BBX: variants seen among roughly 807,000 people sequenced by gnomAD.
BBX encodes BBX high mobility group box domain containing.
BBX carries 30 observed loss-of-function variants against 100.2 expected under a neutral mutation model. The observed-to-expected ratio is 0.30, with a 90% confidence interval of 0.22 to 0.41. The LOEUF is 0.41. BBX is among the 10% of genes least tolerant of loss of function. The pLI, the probability that BBX is intolerant of heterozygous loss-of-function variation, is 1.00. For synonymous variants in BBX, 376 were observed against 388.1 expected, an observed-to-expected ratio of 0.97 and a Z score of 0.37; for missense variants, 1,023 against 1,129.8, an observed-to-expected ratio of 0.91 and a Z score of 1.35.
At chr3:107,590,280 G>A (rs113416615) in intron 2 of BBX, among the ~76,000 whole-genome samples, 1 of 152,062 alleles carries the variant, frequency 6.6e-6, no homozygotes, top group Admixed American at 6.6e-5. Context: ...TGTAGTGACT[G>A]TACATATATG....
intron 2 of BBX, among the ~76,000 whole-genome samples, chr3:107,633,224 G>C (rs2056654756): frequency 1.3e-5 from 2 of 151,976 alleles, no homozygotes; most frequent in Admixed American, 1.3e-4. Context: ...AGATAATAAT[G>C]CTATTTATTT....
At chr3:107,663,811 C>CTT (rs35847055) in intron 3 of BBX, among the ~76,000 whole-genome samples, 6 of 140,362 alleles carry the variant, frequency 4.3e-5, no homozygotes, top group Non-Finnish European at 6.2e-5. Flanking sequence ...CTTTTTTTTC[C>CTT]TTTTTTTTTT....
At chr3:107,785,179 GA>G (rs201420142) in intron 13 of BBX, among the ~76,000 whole-genome samples, 1,353 of 128,546 alleles carry the variant, frequency 0.011, 8 homozygotes, top group Non-Finnish European at 0.017. Context: ...GTATCTGGGG[GA>G]AAAAAAAAAA....
intron 2 of BBX, among the ~76,000 whole-genome samples, chr3:107,613,013 A>C (rs552615291): frequency 3.9e-5 from 6 of 151,986 alleles, no homozygotes; most frequent in Non-Finnish European, 8.8e-5. Flanking sequence ...GGAGTCTCTC[A>C]GTGTCCACAA....
Position 107,773,306 on chromosome 3 carries a change from A to G in BBX, c.1585A>G (p.Lys529Glu). 1 of 1,614,126 alleles carries G rather than the reference A, an allele frequency of 6.2e-7. No individual in the cohort carries two copies. The highest frequency in any genetic ancestry group is 8.5e-7 in the Non-Finnish European group (1 of 1,179,996). The change falls in exon 11 of 18, where the codon AAA (lysine) becomes GAA (glutamate). Residue 529 changes from lysine (K) to glutamate (E), a missense_variant. By Grantham distance (56) the Lys-to-Glu change is moderately conservative. Transcript: ENST00000325805. The surrounding 1 kb of genome is among the most constrained non-coding windows in gnomAD (Gnocchi z 4.1). The part of the protein sequence containing the change: ...GSILDAKPPK[K>E]KVKSREKKMS... ...CATTTTGGATGCCAAGCCACCAAAG[A>G]AAAAAGTGAAATCAAGAGAGAAGAA... is the stretch of plus-strand genomic sequence containing the variant.
intron 2 of BBX, among the ~76,000 whole-genome samples, chr3:107,621,813 A>G (rs144312766): frequency 4.9e-4 from 74 of 152,350 alleles, no homozygotes; most frequent in Admixed American, 1.2e-3. Context: ...CTTCAGTGCC[A>G]CGGGCCAAAT....
chr3:107,727,310 C>T (rs935920607), intron 5 of BBX, among the ~76,000 whole-genome samples: 1 of 152,082 alleles, frequency 6.6e-6, no homozygotes, highest in Non-Finnish European at 1.5e-5. Flanking sequence ...TTTCCACTTC[C>T]AGACAGCAGG....
At chr3:107,770,252 AC>A (rs908909781) in intron 10 of BBX, among the ~76,000 whole-genome samples, 7 of 152,192 alleles carry the variant, frequency 4.6e-5, no homozygotes, top group African/African-American at 1.7e-4. Flanking sequence ...GCTAAGATGA[AC>A]CTGTGCAAAT....
intron 10 of BBX, among the ~76,000 whole-genome samples, chr3:107,757,421 A>G (rs573268368): frequency 6.6e-6 from 1 of 152,334 alleles, no homozygotes; most frequent in East Asian, 1.9e-4. Flanking sequence ...TGTTGGTATC[A>G]TAATTTAACG....
intron 16 of BBX, among the ~76,000 whole-genome samples, chr3:107,799,314 T>C (rs2070148607): frequency 6.6e-6 from 1 of 152,184 alleles, no homozygotes; most frequent in South Asian, 2.1e-4. Context: ...AGCAAGCAGA[T>C]GACCACCATG....
chr3:107,540,477 G>A (rs757331217), intron 2 of BBX, among the ~76,000 whole-genome samples: 2 of 152,148 alleles, frequency 1.3e-5, no homozygotes, highest in Non-Finnish European at 2.9e-5. Flanking sequence ...AGGAGGCCCT[G>A]AGCCTGCTGG....
rs1053202073 is a variant in BBX at position 107,809,967 on chromosome 3, A to G, written c.*4510A>G. The G allele has an allele frequency of 3.3e-5, 5 of 152,246 alleles. No homozygotes were observed. The highest frequency in any genetic ancestry group is 2.0e-4 in the Admixed American group (3 of 15,294). The allele number at this position is 152,246 out of a possible 1,614,324, so 9.4% of individuals were successfully genotyped here. ...GCTGTTGTTCAGTTCATCTTACCAG[A>G]TGTGTCTGGCGAAGTATTCAGGGTT... On this transcript the variant is annotated 3_prime_UTR_variant, in exon 18 of 18. Coordinates refer to ENST00000325805, the MANE Select transcript of BBX (RefSeq NM_001142568.3).
intron 2 of BBX, among the ~76,000 whole-genome samples, chr3:107,586,375 G>A (rs2052839386): frequency 6.6e-6 from 1 of 151,722 alleles, no homozygotes; most frequent in African/African-American, 2.4e-5. Flanking sequence ...ATTCGTAATT[G>A]TTTTTTTTAG....
At chr3:107,789,905 G>A (rs1347400036) in intron 14 of BBX, 29 bp downstream of exon 14, 23 of 1,492,322 alleles carry the variant, frequency 1.5e-5, no homozygotes, top group Admixed American at 4.0e-5. Context: ...CTCCATGAAG[G>A]GTTCTTGGTC....
chr3:107,797,166 T>G (rs1330774373), intron 15 of BBX, among the ~76,000 whole-genome samples: 3 of 151,740 alleles, frequency 2.0e-5, no homozygotes, highest in Non-Finnish European at 2.9e-5. Flanking sequence ...ACAAATAATC[T>G]TATTAATTCA....
intron 2 of BBX, among the ~76,000 whole-genome samples, chr3:107,644,035 T>G (rs1422587686): frequency 6.6e-6 from 1 of 152,186 alleles, no homozygotes; most frequent in Non-Finnish European, 1.5e-5. Context: ...CTCACCCCTC[T>G]GCTACTTTAT....
intron 2 of BBX, among the ~76,000 whole-genome samples, chr3:107,635,816 A>G (rs2056818776): frequency 6.6e-6 from 1 of 150,756 alleles, no homozygotes; most frequent in Non-Finnish European, 1.5e-5. Flanking sequence ...GGTTCAAGCG[A>G]TTCTCCTGCC....
At chr3:107,566,761 G>A (rs1162839219) in intron 2 of BBX, among the ~76,000 whole-genome samples, 1 of 151,580 alleles carries the variant, frequency 6.6e-6, no homozygotes, top group East Asian at 1.9e-4. Flanking sequence ...AATCTTTTTT[G>A]TGTCTCTAGT....
At position 107,722,537 on chromosome 3, in the gene BBX, A is replaced by G. The variant is rs571347823; in HGVS notation, c.405+5688A>G. Among the ~76,000 whole-genome samples, 12 of 152,134 alleles carry G rather than the reference A, an allele frequency of 7.9e-5. 1 individual carries two copies. In the South Asian group the frequency reaches 2.1e-3, roughly 26 times the overall value. On this transcript the variant is annotated intron_variant, in intron 5 of 17. Transcript: ENST00000325805. Reference sequence around the variant, plus strand: ...GCCCTTATAGCCAAATGAAGTAGCCAGTTTCCTTGCTTTCAAATTTTCATT... The same window carrying G: ...GCCCTTATAGCCAAATGAAGTAGCCGGTTTCCTTGCTTTCAAATTTTCATT...
Sources: gnomAD v4.1 joint callset for allele counts (sites outside exome capture counted in the v4.1 genomes callset) on GRCh38, gnomAD v4.1.1 for gene constraint, Gnocchi (gnomAD v3.1) non-coding constraint, MANE v1.5 for transcripts, NCBI Gene and HGNC (gene_info 2026-07-23, HGNC 2026-07-21) for gene names.